TPR: variants seen among roughly 807,000 people sequenced by gnomAD.
The protein encoded by TPR is translocated promoter region, nuclear basket protein.
Under a neutral mutation model 316.1 loss-of-function variants are expected in TPR, and 51 were observed. The ratio of observed to expected loss-of-function variants is 0.16; its 90% CI spans 0.13 to 0.20. The LOEUF is 0.20. TPR is among the 10% of genes least tolerant of loss of function. The pLI, the probability that TPR is intolerant of heterozygous loss-of-function variation, is 1.00. For synonymous variants in TPR, 981 were observed against 914.7 expected (o/e 1.07, Z -1.31); for missense variants, 2,272 against 2,754.8 (o/e 0.82, Z 3.92).
At chr1:186,326,259 A>C in intron 40 of TPR, 24 bp from the exon 41 acceptor site, 1 of 1,587,208 alleles carries the variant, frequency 6.3e-7, no homozygotes, top group Non-Finnish European at 8.6e-7. Flanking sequence ...CCCCAGGCAT[A>C]AATAAAAGTT....
At chr1:186,337,397 CTT>C (rs1206937204) in intron 31 of TPR, among the ~76,000 whole-genome samples, 1 of 151,956 alleles carries the variant, frequency 6.6e-6, no homozygotes, top group East Asian at 1.9e-4. Flanking sequence ...ATTTTCAACA[CTT>C]AACTGTATTT....
rs1247909344 is a variant in TPR, at chr1:186,352,766, G to A, written c.2335-656C>T. On this transcript the variant is annotated intron_variant, in intron 18 of 50. Coordinates refer to ENST00000367478, the MANE Select transcript of TPR (RefSeq NM_003292.3). ...CCTTATAAGAGCATTATAAGACATG[G>A]GTTCAAGTCCTAACCAACCCATCTC... 2.6e-5 allele frequency among the ~76,000 whole-genome samples: 4 copies of A among 152,078 alleles called. No homozygotes were observed. In the East Asian group the frequency reaches 5.8e-4, roughly 22 times the overall value.
At chr1:186,316,763 A>G (rs1356459058) in intron 49 of TPR, among the ~76,000 whole-genome samples, 2 of 152,194 alleles carry the variant, frequency 1.3e-5, no homozygotes, top group Non-Finnish European at 2.9e-5. Flanking sequence ...TTCCATATCT[A>G]TAAAATGTGG....
At chr1:186,322,239 A>C in intron 45 of TPR, 79 bp downstream of exon 45, 2 of 1,365,302 alleles carry the variant, frequency 1.5e-6, no homozygotes, top group Non-Finnish European at 2.0e-6. Context: ...CAATGAGTTA[A>C]CCAAATGATA....
At chr1:186,329,078 A>G (rs1658080016) in intron 39 of TPR, among the ~76,000 whole-genome samples, 1 of 152,234 alleles carries the variant, frequency 6.6e-6, no homozygotes, top group South Asian at 2.1e-4. Flanking sequence ...CGTCTGCTTC[A>G]CTGTCAGAAA....
chr1:186,326,088 A>G lies in TPR; in HGVS notation c.6021+16T>C, dbSNP rs759569894. ...CATAGAAAGAACTATGAATGGTTAA[A>G]ATTCTAGCCAGTTACCTCAGCATCA... On this transcript the variant is annotated intron_variant, in intron 41 of 50. Coordinates refer to ENST00000367478, the MANE Select transcript of TPR (RefSeq NM_003292.3). The G allele has an allele frequency of 1.2e-6, 2 of 1,613,588 alleles. No individual in the cohort carries two copies. Among genetic ancestry groups the G allele is most frequent in the East Asian group, 4.5e-5 (2 of 44,860 alleles).
At chr1:186,372,716 A>G (rs1659573005) in intron 2 of TPR, among the ~76,000 whole-genome samples, 1 of 152,180 alleles carries the variant, frequency 6.6e-6, no homozygotes, top group Admixed American at 6.5e-5. Context: ...TTGGATGGGA[A>G]AAGCAAAGCA....
intron 1 of TPR, among the ~76,000 whole-genome samples, chr1:186,373,686 A>G (rs1430955051): frequency 6.6e-6 from 1 of 152,220 alleles, no homozygotes; most frequent in Non-Finnish European, 1.5e-5. Flanking sequence ...AAATAAAAAT[A>G]AGGCCTAAAA....
intron 49 of TPR, 33 bp from the exon 50 acceptor site, chr1:186,314,757 G>A (rs1381136882): frequency 2.1e-6 from 3 of 1,448,546 alleles, no homozygotes; most frequent in East Asian, 2.3e-5. Flanking sequence ...AGAAAAGCAA[G>A]TGAAAAAATG....
chr1:186,351,252 G>T, intron 20 of TPR, 78 bp downstream of exon 20: 1 of 1,418,996 alleles, frequency 7.0e-7, no homozygotes, highest in Non-Finnish European at 9.3e-7. Context: ...CTTCATCTTG[G>T]ATGGCAGACT....
rs767609133 is a variant in TPR, at chr1:186,375,216, G to C, written c.-188C>G. On this transcript the variant is annotated 5_prime_UTR_variant, in exon 1 of 51. Coordinates refer to ENST00000367478, the MANE Select transcript of TPR (RefSeq NM_003292.3). ...GAAATCGAGTCCACCCTCAGCGGCA[G>C]CGTTTCAGCAACAGCACCTCACCGC... 1.3e-6 allele frequency: 2 copies of C among 1,490,712 alleles called. No homozygotes were observed. The highest frequency in any genetic ancestry group is 5.0e-5 in the East Asian group (2 of 39,920). 92.3% of individuals were successfully genotyped at this position (1,490,712 alleles called of 1,614,324 possible).
chr1:186,314,407 A>G, intron 50 of TPR: 1 of 362,496 alleles, frequency 2.8e-6, no homozygotes. Flanking sequence ...GAAGAAATCA[A>G]TAAATATAAA....
chr1:186,364,940 C>T (rs902950185), intron 4 of TPR, among the ~76,000 whole-genome samples: 1 of 152,018 alleles, frequency 6.6e-6, no homozygotes, highest in African/African-American at 2.4e-5. Flanking sequence ...ATTTATAAAG[C>T]TTTTAACCCC....
rs1343532717 is a variant in TPR at position 186,320,297 on chromosome 1, G to T, written c.6568+15C>A. ...TACATACAAATTCAGGGGATCTAAA[G>T]GTTTAACTATTTACCTCCTTGAGAA... On this transcript the variant is annotated intron_variant, in intron 46 of 50. Transcript: ENST00000367478. The T allele has an allele frequency of 1.3e-6, 2 of 1,597,324 alleles. No individual in the cohort carries two copies. Among genetic ancestry groups the T allele is most frequent in the East Asian group, 2.2e-5 (1 of 44,474 alleles).
intron 2 of TPR, among the ~76,000 whole-genome samples, 166 bp from the exon 3 acceptor site, chr1:186,371,209 C>T (rs905924018): frequency 6.6e-6 from 1 of 152,182 alleles, no homozygotes; most frequent in Non-Finnish European, 1.5e-5. Flanking sequence ...TCAAAATTTA[C>T]TGTGTTCTAG....
intron 2 of TPR, among the ~76,000 whole-genome samples, chr1:186,371,795 C>T (rs1360095277): frequency 6.6e-6 from 1 of 152,092 alleles, no homozygotes; most frequent in Non-Finnish European, 1.5e-5. Flanking sequence ...TCTAAATTTT[C>T]TATTTTGTTT....
intron 5 of TPR, 138 bp from the exon 6 acceptor site, chr1:186,363,139 G>GA: frequency 9.2e-7 from 1 of 1,091,616 alleles, no homozygotes; most frequent in South Asian, 1.6e-5. Flanking sequence ...TTCTTAACTA[G>GA]AAAACATTAA....
In TPR at chr1:186,344,563, C is replaced by T; in HGVS notation, c.3229G>A (p.Glu1077Lys). 1 of 1,561,966 alleles carries T rather than the reference C, an allele frequency of 6.4e-7. No individual in the cohort carries two copies. Among genetic ancestry groups the T allele is most frequent in the South Asian group, 1.2e-5 (1 of 81,108 alleles). ...DCQEQAKIAV[E>K]AQNKYERELM... The stretch of plus-strand genomic sequence containing the variant: ...TCTCTCTCATACTTATTCTGAGCTT[C>T]CACAGCTATTTTAGCCTATAAGAAA... Residue 1077 changes from glutamate (E) to lysine (K), a missense_variant, in exon 25 of 51, where the codon GAA (glutamate) becomes AAA (lysine). Transcript: ENST00000367478.
chr1:186,313,942 A>T lies in TPR; in HGVS notation c.*29T>A. ...ACACTAAAACAGATTTGATAATCTT[A>T]TTCACAGTTGTTATTGTTTACAGAC... On this transcript the variant is annotated 3_prime_UTR_variant, in exon 51 of 51. Coordinates refer to ENST00000367478, the MANE Select transcript of TPR (RefSeq NM_003292.3). 1 of 1,604,076 alleles carries T rather than the reference A, an allele frequency of 6.2e-7. No homozygotes were observed. Among genetic ancestry groups the T allele is most frequent in the Non-Finnish European group, 8.5e-7 (1 of 1,172,392 alleles).
Sources: gnomAD v4.1 joint callset for allele counts (sites outside exome capture counted in the v4.1 genomes callset) on GRCh38, gnomAD v4.1.1 for gene constraint, MANE v1.5 for transcripts, NCBI Gene and HGNC (gene_info 2026-07-23, HGNC 2026-07-21) for gene names.